The following PTPN14 variants were observed in gnomAD, a reference collection of about 807,000 sequenced individuals.
PTPN14 encodes the protein tyrosine-protein phosphatase non-receptor type 14.
Under a neutral mutation model 126.8 loss-of-function variants are expected in PTPN14, and 53 were observed. That is an observed-to-expected ratio of 0.42 (90% confidence interval 0.34 to 0.53). The LOEUF (loss-of-function observed/expected upper bound fraction) is 0.53, where lower values mean the gene tolerates loss of function less well. PTPN14 is among the 20% of genes least tolerant of loss of function. The probability of loss-of-function intolerance (pLI) is 0.08; values close to 1 mark genes in which losing one functional copy is unlikely to be tolerated. For missense variants in PTPN14, 1,257 were observed against 1,552.9 expected (o/e 0.81, Z 3.20); for synonymous variants, 630 against 599.3 (o/e 1.05, Z -0.75).
chr1:214,520,585 C>G (rs1655230793), intron 1 of PTPN14, among the ~76,000 whole-genome samples: 1 of 152,136 alleles, frequency 6.6e-6, no homozygotes, highest in African/African-American at 2.4e-5. Flanking sequence ...CATTACCTTC[C>G]TCATGAAACT....
chr1:214,484,890 T>C lies in PTPN14; in HGVS notation c.-154-19933A>G, dbSNP rs567244498. Reference sequence around the variant, plus strand: ...AAAGGTTGGACAATGTGGAAAGTTATACAAGAGGCGTTTGTTTCACAAAGC... The same window carrying C: ...AAAGGTTGGACAATGTGGAAAGTTACACAAGAGGCGTTTGTTTCACAAAGC... On this transcript the variant is annotated intron_variant, in intron 1 of 18. Coordinates refer to ENST00000366956, the MANE Select transcript of PTPN14 (RefSeq NM_005401.5). 5.9e-5 allele frequency among the ~76,000 whole-genome samples: 9 copies of C among 152,302 alleles called. No homozygotes were observed. In the South Asian group the frequency reaches 1.7e-3, roughly 28 times the overall value.
chr1:214,362,140 G>T (rs1418763451), intron 18 of PTPN14, among the ~76,000 whole-genome samples: 2 of 152,076 alleles, frequency 1.3e-5, no homozygotes, highest in African/African-American at 2.4e-5. Context: ...AACTAAACAT[G>T]GTCTACTCTT....
chr1:214,474,923 G>A (rs1660835031), intron 1 of PTPN14, among the ~76,000 whole-genome samples: 1 of 152,186 alleles, frequency 6.6e-6, no homozygotes, highest in Admixed American at 6.5e-5. Flanking sequence ...TTTGACCTTA[G>A]CGAAACTTTC....
intron 1 of PTPN14, among the ~76,000 whole-genome samples, chr1:214,543,403 A>G (rs1193606531): frequency 6.6e-6 from 1 of 152,228 alleles, no homozygotes; most frequent in East Asian, 1.9e-4. Flanking sequence ...ACTTCAGAAA[A>G]TAGCTTAAAA....
rs1242747721 is a variant in PTPN14, at chr1:214,349,949, G to A, written c.*7973C>T. On this transcript the variant is annotated 3_prime_UTR_variant, in exon 19 of 19. Transcript: ENST00000366956. Reference sequence around the variant, plus strand: ...AGAATGCCAGGCACCCCAGTTCTGAGAGCCACCCTAGCTAAACTCAAAGCA... The same window carrying A: ...AGAATGCCAGGCACCCCAGTTCTGAAAGCCACCCTAGCTAAACTCAAAGCA... 1 of 152,180 alleles carries A rather than the reference G, an allele frequency of 6.6e-6. No homozygotes were observed. The highest frequency in any genetic ancestry group is 1.5e-5 in the Non-Finnish European group (1 of 68,046). 9.4% of individuals were successfully genotyped at this position (152,180 alleles called of 1,614,324 possible).
chr1:214,455,571 T>A (rs1346199922), intron 2 of PTPN14, among the ~76,000 whole-genome samples: 1 of 152,134 alleles, frequency 6.6e-6, no homozygotes, highest in Non-Finnish European at 1.5e-5. Context: ...TGCAATAAGT[T>A]TACTGCAATG....
chr1:214,484,661 A>C (rs1323220572), intron 1 of PTPN14, among the ~76,000 whole-genome samples: 1 of 152,248 alleles, frequency 6.6e-6, no homozygotes, highest in African/African-American at 2.4e-5. Context: ...CTGTCTGTAC[A>C]CTTAACTTTA....
intron 3 of PTPN14, among the ~76,000 whole-genome samples, chr1:214,430,186 T>C (rs896243362): frequency 3.3e-5 from 5 of 152,224 alleles, no homozygotes; most frequent in African/African-American, 9.6e-5. Flanking sequence ...TGGCTCGGAA[T>C]GTTCTCCCTT....
chr1:214,381,973 C>T (rs540704171), intron 13 of PTPN14, among the ~76,000 whole-genome samples: 74 of 149,226 alleles, frequency 5.0e-4, no homozygotes, highest in African/African-American at 1.6e-3. Flanking sequence ...GGTGCCATCT[C>T]GGCTCACAGC....
intron 1 of PTPN14, among the ~76,000 whole-genome samples, chr1:214,474,258 G>C (rs908998773): frequency 2.2e-4 from 34 of 152,132 alleles, no homozygotes; most frequent in African/African-American, 7.0e-4. Flanking sequence ...CCAAGAAATG[G>C]AGCCAAAACA....
intron 11 of PTPN14, among the ~76,000 whole-genome samples, chr1:214,389,826 T>C (rs1313151793): frequency 1.3e-5 from 2 of 152,120 alleles, no homozygotes; most frequent in Non-Finnish European, 2.9e-5. Flanking sequence ...AGGAGAAGAA[T>C]AAATAAATCA....
chr1:214,474,495 C>T (rs1013465984), intron 1 of PTPN14, among the ~76,000 whole-genome samples: 5 of 152,116 alleles, frequency 3.3e-5, no homozygotes, highest in South Asian at 2.1e-4. Flanking sequence ...GGAGGTGACA[C>T]GTAAATGATT....
At chr1:214,363,332 T>G (rs115643310) in intron 18 of PTPN14, among the ~76,000 whole-genome samples, 1 of 152,234 alleles carries the variant, frequency 6.6e-6, no homozygotes, top group Non-Finnish European at 1.5e-5. Flanking sequence ...AAGCTTAGCA[T>G]TCGTTGTTTT....
chr1:214,404,340 G>C (rs190732807), intron 5 of PTPN14, among the ~76,000 whole-genome samples: 4 of 152,128 alleles, frequency 2.6e-5, no homozygotes, highest in African/African-American at 9.7e-5. Context: ...ATTAATTTGC[G>C]GTTTCCTGTT....
intron 15 of PTPN14, among the ~76,000 whole-genome samples, chr1:214,375,492 C>G (rs994898588): frequency 6.6e-6 from 1 of 152,148 alleles, no homozygotes; most frequent in Non-Finnish European, 1.5e-5. Context: ...AATAAGTGTC[C>G]CTCTGTTAAC....
intron 1 of PTPN14, among the ~76,000 whole-genome samples, chr1:214,503,824 A>T (rs1024465012): frequency 1.3e-5 from 2 of 152,256 alleles, no homozygotes; most frequent in East Asian, 1.9e-4. Context: ...GACATCACCT[A>T]CTTCAATAAG....
chr1:214,489,190 G>T (rs1199737189), intron 1 of PTPN14, among the ~76,000 whole-genome samples: 2 of 152,158 alleles, frequency 1.3e-5, no homozygotes, highest in Non-Finnish European at 2.9e-5. Context: ...TTTTCAGTTT[G>T]TTATATCATT....
At position 214,364,489 on chromosome 1, in the gene PTPN14, G is replaced by A; in HGVS notation, c.3435+23C>T. On this transcript the variant is annotated intron_variant, in intron 18 of 18. Coordinates refer to ENST00000366956, the MANE Select transcript of PTPN14 (RefSeq NM_005401.5). This position sits in a 1 kb window ranked among gnomAD's most constrained non-coding sequence, Gnocchi z 4.1. ...ACTTGTCCCCAAGGTGGAGTATCCGGAGAGAAGCCCAGAATGACTCACTTC... is the reference window on the plus strand; with the variant it reads ...ACTTGTCCCCAAGGTGGAGTATCCGAAGAGAAGCCCAGAATGACTCACTTC... The A allele has an allele frequency of 6.2e-7, 1 of 1,610,422 alleles. No individual in the cohort carries two copies. The highest frequency in any genetic ancestry group is 8.5e-7 in the Non-Finnish European group (1 of 1,177,938).
At chr1:214,489,551 C>T (rs1661186760) in intron 1 of PTPN14, among the ~76,000 whole-genome samples, 1 of 152,190 alleles carries the variant, frequency 6.6e-6, no homozygotes, top group Admixed American at 6.5e-5. Context: ...GGAAAGTTCT[C>T]TAAATTGCCC....
Sources: gnomAD v4.1 joint callset for allele counts (sites outside exome capture counted in the v4.1 genomes callset) on GRCh38, gnomAD v4.1.1 for gene constraint, Gnocchi (gnomAD v3.1) non-coding constraint, MANE v1.5 for transcripts, NCBI Gene and HGNC (gene_info 2026-07-23, HGNC 2026-07-21) for gene names.